CEP152: variants seen among roughly 807,000 people sequenced by gnomAD.
The protein encoded by CEP152 is centrosomal protein of 152 kDa.
Under a neutral mutation model 188.9 loss-of-function variants are expected in CEP152, and 132 were observed. The observed-to-expected ratio is 0.70, with a 90% CI of 0.61 to 0.81. CEP152 has a LOEUF of 0.81. Among genes scored for constraint, CEP152 ranks in the 30% least tolerant of loss-of-function variants. The pLI is 0.00. For missense variants in CEP152, 1,914 were observed against 1,969.8 expected, an observed-to-expected ratio of 0.97 and a Z score of 0.54; for synonymous variants, 649 against 666.6, an observed-to-expected ratio of 0.97 and a Z score of 0.41.
chr15:48,802,319 C>G (rs1897717439), intron 2 of CEP152, among the ~76,000 whole-genome samples: 1 of 152,086 alleles, frequency 6.6e-6, no homozygotes, highest in African/African-American at 2.4e-5. Flanking sequence ...TCAAGTGGTA[C>G]AATCAGAAAA....
In CEP152 at chr15:48,762,534, TC is replaced by T. The variant is rs1309019387; in HGVS notation, c.2418del (p.Glu808ArgfsTer5). ...TCTTCTATCATAATTGCCATCTCTT[TC>T]TTGGAAATAACATCACTGGTGGTTA... ...DQVTTSDVIS[K>X]KEMAIMIEEQ... On this transcript the variant is annotated frameshift_variant, in exon 18 of 27. Coordinates refer to ENST00000380950, the MANE Select transcript of CEP152 (RefSeq NM_001194998.2). LOFTEE classifies it high-confidence loss of function. The T allele has an allele frequency of 6.2e-7, 1 of 1,614,098 alleles. No homozygotes were observed. The highest frequency in any genetic ancestry group is 1.1e-5 in the South Asian group (1 of 91,084).
chr15:48,801,931 T>C (rs1897689681), intron 2 of CEP152, among the ~76,000 whole-genome samples: 1 of 152,024 alleles, frequency 6.6e-6, no homozygotes, highest in Admixed American at 6.6e-5. Flanking sequence ...CTGTCTCTAC[T>C]AAAAATACAA....
intron 17 of CEP152, among the ~76,000 whole-genome samples, chr15:48,766,841 C>A (rs1044634928): frequency 6.8e-6 from 1 of 147,586 alleles, no homozygotes; most frequent in Non-Finnish European, 1.5e-5. Context: ...AAATCACTTT[C>A]TCCTATCTAT....
rs1893657864 is a variant in CEP152 at position 48,748,686 on chromosome 15, CAG to C, written c.3467-78_3467-77del. On this transcript the variant is annotated intron_variant, in intron 21 of 26. Transcript: ENST00000380950. ...TATCATTAAAAAAAAAAAAAAAAGA[CAG>C]AAAGAAAAGCAGATGACTCATGACT... 8.4e-6 allele frequency: 10 copies of C among 1,187,218 alleles called. No individual in the cohort carries two copies. In the African/African-American group the frequency reaches 1.3e-4, roughly 16 times the overall value. 73.5% of individuals were successfully genotyped at this position (1,187,218 alleles called of 1,614,324 possible).
intron 9 of CEP152, among the ~76,000 whole-genome samples, chr15:48,787,418 G>A (rs1053161242): frequency 3.3e-5 from 5 of 151,888 alleles, no homozygotes; most frequent in Non-Finnish European, 5.9e-5. Context: ...TGATCCACCT[G>A]CCTCAACCTC....
rs1024964317 is a variant in CEP152 at position 48,741,947 on chromosome 15, C to A, written c.3989G>T (p.Gly1330Val). Reference sequence around the variant, plus strand: ...GACACATTGTTCAGACTGAACTCACCCTTCTTTTCCATCATCCTGCAAAAT... The same window carrying A: ...GACACATTGTTCAGACTGAACTCACACTTCTTTTCCATCATCCTGCAAAAT... ...QQILQDDGKEGAEKKIMNAAS... is the reference protein window; with the variant it reads ...QQILQDDGKEVAEKKIMNAAS... The change falls in exon 25 of 27, where the codon GGG (glycine) becomes GTG (valine). Residue 1330 changes from glycine (G) to valine (V), a missense_variant and splice_region_variant. Physicochemically the swap from Gly to Val is moderately radical, Grantham distance 109 (BLOSUM62 -3). Transcript: ENST00000380950. 2 of 1,613,954 alleles carry A rather than the reference C, an allele frequency of 1.2e-6. No individual in the cohort carries two copies. The highest frequency in any genetic ancestry group is 1.7e-6 in the Non-Finnish European group (2 of 1,180,004).
At chr15:48,789,342 G>C (rs564930965) in intron 8 of CEP152, 3 of 339,724 alleles carry the variant, frequency 8.8e-6, no homozygotes, top group African/African-American at 6.2e-5. Context: ...ATTGCTCTAT[G>C]ACCAAAGTGT....
intron 18 of CEP152, 127 bp from the exon 19 acceptor site, chr15:48,760,393 C>T: frequency 9.1e-7 from 1 of 1,093,778 alleles, no homozygotes; most frequent in Non-Finnish European, 1.4e-6. Context: ...GTCAAACTGA[C>T]TGCAAGTACC....
Position 48,793,456 on chromosome 15 carries a change from C to T in CEP152, c.697G>A (p.Ala233Thr). 1 of 1,612,884 alleles carries T rather than the reference C, an allele frequency of 6.2e-7. No homozygotes were observed. Among genetic ancestry groups the T allele is most frequent in the South Asian group, 1.1e-5 (1 of 91,054 alleles). Residue 233 changes from alanine (A) to threonine (T), a missense_variant, in exon 7 of 27, where the codon GCA (alanine) becomes ACA (threonine). Transcript: ENST00000380950. ...AGTTGAATAATCTGCATATTTTCTG[C>T]AGAGTCTGGGAATTAAAGACAATTT... ...QQFLGANENS[A>T]ENMQIIQLQV...
chr15:48,808,083 C>A (rs185731478), intron 1 of CEP152, among the ~76,000 whole-genome samples: 1 of 151,916 alleles, frequency 6.6e-6, no homozygotes, highest in East Asian at 1.9e-4. Context: ...TGATTTCAGA[C>A]ATAAAGGGAA....
At chr15:48,736,876 G>A (rs1178675648), downstream of CEP152, among the ~76,000 whole-genome samples, 4 of 152,156 alleles carry the variant, frequency 2.6e-5, no homozygotes, top group Non-Finnish European at 5.9e-5. Context: ...GGCTTAAAAC[G>A]ATCAAGCACC....
At chr15:48,799,079 C>T (rs1263416802) in intron 2 of CEP152, among the ~76,000 whole-genome samples, 1 of 151,920 alleles carries the variant, frequency 6.6e-6, no homozygotes, top group Non-Finnish European at 1.5e-5. Flanking sequence ...TGATTAAATC[C>T]CTCCAAAGGA....
intron 19 of CEP152, among the ~76,000 whole-genome samples, chr15:48,759,336 C>T (rs1228438196): frequency 1.3e-5 from 2 of 152,114 alleles, no homozygotes; most frequent in Non-Finnish European, 2.9e-5. Context: ...GTTGGGTAAA[C>T]TTAATTTTTC....
chr15:48,782,522 T>C (rs1003530425), intron 10 of CEP152, among the ~76,000 whole-genome samples: 2 of 152,082 alleles, frequency 1.3e-5, no homozygotes, highest in African/African-American at 4.8e-5. Flanking sequence ...ATTCCGGAAG[T>C]CCTTTAATAG....
Position 48,738,463 on chromosome 15 carries a change from A to T in CEP152, c.4919T>A (p.Leu1640Gln). Reference protein sequence around the residue: ...MKCQRYQTPYLSEETTYLEPG... With the variant: ...MKCQRYQTPYQSEETTYLEPG... ...CTCCAAATACGTGGTTTCTTCTGAC[A>T]GGTATGGAGTTTGATAACGCTGACA... Residue 1640 changes from leucine to glutamine, a missense_variant, in exon 27 of 27, where the codon CTG becomes CAG. Leu to Gln is a moderately radical substitution (Grantham distance 113). Coordinates refer to ENST00000380950, the MANE Select transcript of CEP152 (RefSeq NM_001194998.2). The T allele has an allele frequency of 6.2e-7, 1 of 1,614,230 alleles. No individual in the cohort carries two copies. Among genetic ancestry groups the T allele is most frequent in the Non-Finnish European group, 8.5e-7 (1 of 1,180,038 alleles).
In CEP152 at chr15:48,794,259, GA is replaced by G. The variant is rs200287365; in HGVS notation, c.692-799del. On this transcript the variant is annotated intron_variant, in intron 6 of 26. Coordinates refer to ENST00000380950, the MANE Select transcript of CEP152 (RefSeq NM_001194998.2). Reference sequence around the variant, plus strand: ...TCATTTGGGGACCACTTTAAAAAGAGAAAAAAAATGGAAAAAAGGATTGGTA... The same window carrying G: ...TCATTTGGGGACCACTTTAAAAAGAGAAAAAAATGGAAAAAAGGATTGGTA... 1.9e-4 allele frequency among the ~76,000 whole-genome samples: 29 copies of G among 151,710 alleles called. No homozygotes were observed. In the East Asian group the frequency reaches 5.2e-3, roughly 27 times the overall value.
At chr15:48,753,847 T>G (rs1300494603) in intron 20 of CEP152, among the ~76,000 whole-genome samples, 1 of 152,248 alleles carries the variant, frequency 6.6e-6, no homozygotes, top group Non-Finnish European at 1.5e-5. Flanking sequence ...GAAAGCTATA[T>G]TTTTCATTCA....
At chr15:48,765,718 A>G (rs1895029573) in intron 17 of CEP152, 2 of 356,194 alleles carry the variant, frequency 5.6e-6, no homozygotes, top group Non-Finnish European at 1.0e-5. Context: ...CAGTGGCGCA[A>G]TCTCGACTCA....
chr15:48,795,302 C>G (rs1302302538), intron 6 of CEP152, among the ~76,000 whole-genome samples: 2 of 152,076 alleles, frequency 1.3e-5, no homozygotes, highest in African/African-American at 2.4e-5. Context: ...TGCCACATGA[C>G]TGAACCTGAT....
Sources: gnomAD v4.1 joint callset for allele counts (sites outside exome capture counted in the v4.1 genomes callset) on GRCh38, gnomAD v4.1.1 for gene constraint, MANE v1.5 for transcripts, NCBI Gene and HGNC (gene_info 2026-07-23, HGNC 2026-07-21) for gene names.